MYO18B: variants seen among roughly 807,000 people sequenced by gnomAD.
MYO18B encodes the protein myosin XVIIIB.
MYO18B carries 204 observed loss-of-function variants against 273.0 expected under a neutral mutation model. That is an observed-to-expected ratio of 0.75 (90% confidence interval 0.67 to 0.84). MYO18B has a LOEUF of 0.84. Among genes scored for constraint, MYO18B ranks in the 40% least tolerant of loss-of-function variants. MYO18B has a pLI of 0.00. For synonymous variants in MYO18B, 1,330 were observed against 1,305.7 expected, an observed-to-expected ratio of 1.02 and a Z score of -0.40; for missense variants, 3,212 against 3,287.6, an observed-to-expected ratio of 0.98 and a Z score of 0.56.
rs993871268 is a variant in MYO18B, at chr22:25,898,424, C to A, written c.4786C>A (p.Gln1596Lys). ...EDTCVLLENQ[Q>K]SRNHELEKKQ... ...TACCTGCGTCCTGCTAGAGAACCAA[C>A]AAAGTCGAAACCATGAGCTGGAGAA... The change falls in exon 29 of 44, where the codon CAA becomes AAA. Residue 1596 changes from glutamine to lysine, a missense_variant. By Grantham distance (53) the Gln-to-Lys change is moderately conservative (BLOSUM62 1). Transcript: ENST00000335473. 2.3e-5 allele frequency: 37 copies of A among 1,613,808 alleles called. No homozygotes were observed. The highest frequency in any genetic ancestry group is 3.1e-5 in the Non-Finnish European group (37 of 1,179,860).
At chr22:25,776,511 C>G (rs1341569926) in intron 7 of MYO18B, among the ~76,000 whole-genome samples, 1 of 152,154 alleles carries the variant, frequency 6.6e-6, no homozygotes. Flanking sequence ...GCGGGAGATT[C>G]GCTTGAACCT....
At chr22:25,803,019 T>C (rs1319405781) in intron 12 of MYO18B, among the ~76,000 whole-genome samples, 1 of 150,954 alleles carries the variant, frequency 6.6e-6, no homozygotes, top group Admixed American at 6.6e-5. Flanking sequence ...TGGAGTGCAG[T>C]GGCGCGATCT....
chr22:25,870,714 C>T (rs192143816), intron 22 of MYO18B, among the ~76,000 whole-genome samples: 1 of 152,182 alleles, frequency 6.6e-6, no homozygotes, highest in African/African-American at 2.4e-5. Flanking sequence ...CATCGCCCAA[C>T]AGCTTGCTAG....
chr22:26,025,688 A>G (rs1307112560), intron 42 of MYO18B, among the ~76,000 whole-genome samples: 1 of 152,210 alleles, frequency 6.6e-6, no homozygotes, highest in African/African-American at 2.4e-5. Context: ...ATTAAAGGAA[A>G]GGTTGATGGA....
At chr22:26,010,537 T>C (rs941556211) in intron 42 of MYO18B, among the ~76,000 whole-genome samples, 1 of 152,242 alleles carries the variant, frequency 6.6e-6, no homozygotes, top group Non-Finnish European at 1.5e-5. Flanking sequence ...CCTCCACCGT[T>C]AAATAGACTT....
At chr22:25,938,257 G>C (rs1379790527) in intron 34 of MYO18B, among the ~76,000 whole-genome samples, 2 of 152,150 alleles carry the variant, frequency 1.3e-5, no homozygotes, top group East Asian at 1.9e-4. Context: ...ATTTCACCTA[G>C]GTATTTAAAG....
At chr22:25,975,029 G>A (rs1450627245) in intron 39 of MYO18B, among the ~76,000 whole-genome samples, 2 of 152,144 alleles carry the variant, frequency 1.3e-5, no homozygotes, top group Non-Finnish European at 2.9e-5. Context: ...CAAAGTTCTG[G>A]AAGACCTTGT....
At chr22:25,995,132 G>A (rs538664576) in intron 40 of MYO18B, among the ~76,000 whole-genome samples, 1 of 152,328 alleles carries the variant, frequency 6.6e-6, no homozygotes, top group South Asian at 2.1e-4. Context: ...TCGGTCATTT[G>A]CGGCAATGTG....
chr22:25,804,877 C>T (rs2088395090), intron 12 of MYO18B, among the ~76,000 whole-genome samples: 1 of 152,172 alleles, frequency 6.6e-6, no homozygotes, highest in East Asian at 1.9e-4. Context: ...GATGGAAGAC[C>T]GTGGGCATCA....
intron 19 of MYO18B, 112 bp from the exon 20 acceptor site, chr22:25,847,318 T>C: frequency 1.2e-6 from 1 of 855,620 alleles, no homozygotes. Flanking sequence ...GTGTGGGACA[T>C]AGGGGCCCCA....
At chr22:25,777,450 A>T in intron 7 of MYO18B, 133 bp from the exon 8 acceptor site, 1 of 832,252 alleles carries the variant, frequency 1.2e-6, no homozygotes, top group Non-Finnish European at 1.7e-6. Flanking sequence ...GTAGGAAGGG[A>T]GTCAGGGATC....
At chr22:26,060,789 CATATGCACAT>C in the MYO18B span, among the ~76,000 whole-genome samples, 4 of 117,234 alleles carry the variant, frequency 3.4e-5, no homozygotes, top group African/African-American at 1.8e-4. Context: ...TACATATACA[CATATGCACAT>C]ATATGCACAT....
At chr22:25,893,875 A>G (rs2091730120) in intron 27 of MYO18B, among the ~76,000 whole-genome samples, 1 of 151,388 alleles carries the variant, frequency 6.6e-6, no homozygotes. Context: ...ACTTATTTAT[A>G]TATCAATCCA....
intron 25 of MYO18B, among the ~76,000 whole-genome samples, chr22:25,889,751 TG>T (rs1461785044): frequency 6.6e-6 from 1 of 152,138 alleles, no homozygotes; most frequent in Non-Finnish European, 1.5e-5. Flanking sequence ...ACAGAAGCCC[TG>T]CTCATTTGGC....
chr22:25,957,656 A>G (rs1220931458), intron 39 of MYO18B, among the ~76,000 whole-genome samples: 1 of 152,188 alleles, frequency 6.6e-6, no homozygotes, highest in Non-Finnish European at 1.5e-5. Context: ...GAACAGGGCT[A>G]CACTCCCTCT....
Position 25,948,435 on chromosome 22 carries a change from C to CTTTCT in MYO18B, c.5748+609_5748+610insTCTTT, listed in dbSNP as rs1569224898. 8.0e-3 allele frequency among the ~76,000 whole-genome samples: 885 copies of CTTTCT among 110,838 alleles called. 11 individuals are homozygous for CTTTCT. Among genetic ancestry groups the CTTTCT allele is most frequent in the African/African-American group, 0.021 (578 of 27,564 alleles). The allele number at this position is 110,838 out of a possible 152,430, so 72.7% of individuals were successfully genotyped here. ...CCTTCCTTCCTTCCTTCCTTCCTTC[C>CTTTCT]TTCCTTCCTTCCTTCCTTCCTTCCT... On this transcript the variant is annotated intron_variant, in intron 36 of 43. Transcript: ENST00000335473.
chr22:25,876,371 C>A (rs778937448), intron 24 of MYO18B, 39 bp downstream of exon 24: 9 of 1,566,466 alleles, frequency 5.7e-6, no homozygotes, highest in South Asian at 3.5e-5. Context: ...GGTGGCTACT[C>A]CCCACACCCT....
Position 25,955,951 on chromosome 22 carries a change from T to C in MYO18B, c.6156+587T>C, listed in dbSNP as rs554319794. Among the ~76,000 whole-genome samples, 121 of 152,314 alleles carry C rather than the reference T, an allele frequency of 7.9e-4. 1 individual carries two copies. The highest frequency in any genetic ancestry group is 2.8e-3 in the African/African-American group (118 of 41,576). ...AAGCCACCATGTGTGAAGTATTTGC[T>C]CCCTACCAGGTTCTGAAGGAAACAT... On this transcript the variant is annotated intron_variant, in intron 39 of 43. Coordinates refer to ENST00000335473, the MANE Select transcript of MYO18B (RefSeq NM_032608.7).
intron 39 of MYO18B, among the ~76,000 whole-genome samples, chr22:25,986,561 A>G (rs2093204690): frequency 6.6e-6 from 1 of 152,252 alleles, no homozygotes; most frequent in Non-Finnish European, 1.5e-5. Context: ...CTGTGTATGC[A>G]AGAAATGTAT....
Sources: allele counts gnomAD v4.1 joint callset (sites outside exome capture counted in the v4.1 genomes callset), GRCh38; gene constraint gnomAD v4.1.1; transcripts MANE v1.5; gene names NCBI Gene and HGNC (gene_info 2026-07-23, HGNC 2026-07-21).